LGI4: variants seen among roughly 807,000 people sequenced by gnomAD.
LGI4 encodes leucine rich repeat LGI family member 4.
LGI4 carries 36 observed loss-of-function variants against 48.3 expected under a neutral mutation model. The ratio of observed to expected loss-of-function variants is 0.75; its 90% CI spans 0.57 to 0.98. The LOEUF is 0.98. Among genes scored for constraint, LGI4 ranks in the 50% least tolerant of loss-of-function variants. The probability of loss-of-function intolerance (pLI) is 0.00; values close to 1 mark genes in which losing one functional copy is unlikely to be tolerated. For missense variants in LGI4, 701 were observed against 732.1 expected (o/e 0.96, Z 0.49); for synonymous variants, 355 against 331.6 (o/e 1.07, Z -0.77).
At chr19:35,125,703 C>T in intron 8 of LGI4, 196 bp from the exon 9 acceptor site, 1 of 701,814 alleles carries the variant, frequency 1.4e-6, no homozygotes, top group Admixed American at 2.0e-5. Context: ...CACACAGAAG[C>T]ACTCAGCCAT....
Position 35,125,354 on chromosome 19 carries a change from T to G in LGI4, c.1453A>C (p.Lys485Gln). ...FSQVLRLEPD[K>Q]GLLEPLQELG... Reference sequence around the variant, plus strand: ...TCCTGCAGTGGCTCCAGGAGCCCCTTGTCAGGCTCAAGGCGGAGGACCTGG... The same window carrying G: ...TCCTGCAGTGGCTCCAGGAGCCCCTGGTCAGGCTCAAGGCGGAGGACCTGG... Residue 485 changes from lysine to glutamine, a missense_variant, in exon 9 of 9, where the codon AAG (lysine) becomes CAG (glutamine). Lys to Gln is a moderately conservative substitution (Grantham distance 53, BLOSUM62 1). Around this residue, in one of 3 missense-constraint regions of LGI4, gnomAD observed 223 missense variants for 263.3 expected, o/e 0.85. Transcript: ENST00000310123. 6.2e-7 allele frequency: 1 copy of G among 1,613,402 alleles called. No homozygotes were observed. Among genetic ancestry groups the G allele is most frequent in the South Asian group, 1.1e-5 (1 of 91,062 alleles).
intron 6 of LGI4, among the ~76,000 whole-genome samples, chr19:35,127,436 C>G (rs2065147990): frequency 6.6e-6 from 1 of 152,170 alleles, no homozygotes. Flanking sequence ...CTGCCTTGAC[C>G]TCCCAAAGTG....
At chr19:35,130,190 G>A (rs574582468) in intron 6 of LGI4, among the ~76,000 whole-genome samples, 14 of 152,202 alleles carry the variant, frequency 9.2e-5, no homozygotes, top group African/African-American at 3.4e-4. Context: ...GAGAACTCAG[G>A]GACCAGTGCC....
rs182484817 is a variant in LGI4 at position 35,127,958 on chromosome 19, G to A, written c.629-941C>T. 6.3e-3 allele frequency among the ~76,000 whole-genome samples: 956 copies of A among 152,242 alleles called. 7 individuals carry two copies. The highest frequency in any genetic ancestry group is 6.3e-3 in the Non-Finnish European group (431 of 68,014). On this transcript the variant is annotated intron_variant, in intron 6 of 8. Transcript: ENST00000310123. ...CCCGGGACCCCCATTCACCGCCCTC[G>A]CTGAAAGTTAGATGTGGCTGTTTTG...
At chr19:35,129,347 A>G (rs2065160367) in intron 6 of LGI4, among the ~76,000 whole-genome samples, 2 of 151,552 alleles carry the variant, frequency 1.3e-5, no homozygotes, top group Non-Finnish European at 1.5e-5. Context: ...TATTATATAT[A>G]CATGTTGTGG....
rs1299854351 is a variant in LGI4, at chr19:35,131,513, G to A, written c.501C>T (p.Leu167=). 6.4e-7 allele frequency: 1 copy of A among 1,551,336 alleles called. No individual in the cohort carries two copies. The highest frequency in any genetic ancestry group is 1.2e-5 in the South Asian group (1 of 84,046). The part of the protein sequence containing the change: ...GNPFQCDCRV[L]WLLQWMPTVN... ...CGGTGGGCATCCACTGCAGGAGCCA[G>A]AGGACGCGGCAGTCACACTGGAACG... Residue 167 remains leucine (L), a synonymous_variant, in exon 6 of 9, where the codon CTC becomes CTT. Coordinates refer to ENST00000310123, the MANE Select transcript of LGI4 (RefSeq NM_139284.3).
Position 35,134,620 on chromosome 19 carries a change from T to A in LGI4, c.61A>T (p.Arg21Ter), listed in dbSNP as rs140614229. 220 of 1,583,480 alleles carry A rather than the reference T, an allele frequency of 1.4e-4. No homozygotes were observed. Among genetic ancestry groups the A allele is most frequent in the Non-Finnish European group, 1.8e-4 (211 of 1,164,506 alleles). ...LAGAGVVVAW[R>*]PPKGKCPLRC... Reference sequence around the variant, plus strand: ...AGGGGACACTTTCCCTTTGGGGGTCTCCAGGCCACCACCACCCCCGCCCCA... The same window carrying A: ...AGGGGACACTTTCCCTTTGGGGGTCACCAGGCCACCACCACCCCCGCCCCA... The change falls in exon 1 of 9, where the codon AGA becomes TGA. Residue 21 changes from arginine (R) to a stop codon, truncating the protein, a stop_gained. Coordinates refer to ENST00000310123, the MANE Select transcript of LGI4 (RefSeq NM_139284.3). LOFTEE classifies it high-confidence loss of function.
In LGI4 at chr19:35,126,602, G is replaced by A. The variant is rs1250415474; in HGVS notation, c.967C>T (p.Leu323=). Residue 323 remains leucine (L), a synonymous_variant, in exon 8 of 9, where the codon CTG becomes TTG. Transcript: ENST00000310123. ...RLLRPNDAEL[L]WLEGQPCFVV... is the part of the protein sequence containing the mutation. ...AAGCAGGGTTGCCCTTCCAGCCACA[G>A]GAGCTCGGCGTCATTGGGCCGCAGC... 9 of 1,541,918 alleles carry A rather than the reference G, an allele frequency of 5.8e-6. No homozygotes were observed. The highest frequency in any genetic ancestry group is 7.8e-6 in the Non-Finnish European group (9 of 1,149,780).
At chr19:35,128,019 T>C (rs1337295191) in intron 6 of LGI4, among the ~76,000 whole-genome samples, 4 of 152,188 alleles carry the variant, frequency 2.6e-5, no homozygotes, top group Non-Finnish European at 5.9e-5. Context: ...GCAGATGTGA[T>C]GAGTGTAATG....
intron 3 of LGI4, 76 bp from the exon 4 acceptor site, chr19:35,132,118 C>T: frequency 8.4e-7 from 1 of 1,195,506 alleles, no homozygotes; most frequent in Non-Finnish European, 1.2e-6. Context: ...CATAGGCCCA[C>T]TGGAAGGTGC....
In LGI4 at chr19:35,131,569, C is replaced by T; in HGVS notation, c.459-14G>A. ...CCGCGGAGGTCCCTGGGGCAAGAGG[C>T]CAGGGAGGGGCTGCGACCCGGCTTC... On this transcript the variant is annotated splice_polypyrimidine_tract_variant and intron_variant, in intron 5 of 8. Coordinates refer to ENST00000310123, the MANE Select transcript of LGI4 (RefSeq NM_139284.3). The T allele has an allele frequency of 6.5e-7, 1 of 1,547,444 alleles. No individual in the cohort carries two copies. The highest frequency in any genetic ancestry group is 8.7e-7 in the Non-Finnish European group (1 of 1,145,170).
rs933374477 is a variant in LGI4 at position 35,131,389 on chromosome 19, T to C, written c.625A>G (p.Ile209Val). ...CCCCATCGGGAAAGCCCCCCACCTATGGCTCTGCACTTGAAAGTCTTGGGG... is the reference window on the plus strand; with the variant it reads ...CCCCATCGGGAAAGCCCCCCACCTACGGCTCTGCACTTGAAAGTCTTGGGG... ...LDPKTFKCRA[I>V]ELSWFQTVGE... Residue 209 changes from isoleucine (I) to valine (V), a missense_variant, in exon 6 of 9, where the codon ATA becomes GTA. Ile to Val is a conservative substitution (Grantham distance 29). Coordinates refer to ENST00000310123, the MANE Select transcript of LGI4 (RefSeq NM_139284.3). The C allele has an allele frequency of 2.6e-6, 4 of 1,550,330 alleles. No individual in the cohort carries two copies. Among genetic ancestry groups the C allele is most frequent in the Non-Finnish European group, 3.5e-6 (4 of 1,146,306 alleles).
chr19:35,132,098 C>G (rs2065180008), intron 3 of LGI4, 56 bp from the exon 4 acceptor site: 3 of 1,404,040 alleles, frequency 2.1e-6, no homozygotes, highest in Non-Finnish European at 2.0e-6. Context: ...GGAACGCACC[C>G]CATGAAAGAC....
chr19:35,128,690 C>T (rs1254943720), intron 6 of LGI4, among the ~76,000 whole-genome samples: 8 of 152,052 alleles, frequency 5.3e-5, no homozygotes, highest in South Asian at 4.1e-4. Context: ...CCAGCCTGGG[C>T]GACAGAGTGA....
Position 35,134,525 on chromosome 19 carries a change from C to T in LGI4, c.156G>A (p.Pro52=), listed in dbSNP as rs369262546. The T allele has an allele frequency of 8.8e-5, 140 of 1,582,866 alleles. No homozygotes were observed. The Middle Eastern group carries it at 2.7e-3, about 30-fold the overall frequency. Residue 52 remains proline, a synonymous_variant, in exon 1 of 9, where the codon CCG becomes CCA. Transcript: ENST00000310123. ...GSPDLPVSFS[P]TLLSLSLVRT... ...TGGACACTCACAGTGACAGCAGGGT[C>T]GGAGAGAAGCTGACGGGCAGGTCCG...
Position 35,126,481 on chromosome 19 carries a change from C to A in LGI4, c.1088G>T (p.Arg363Leu). Residue 363 changes from arginine to leucine, a missense_variant, in exon 8 of 9, where the codon CGG (arginine) becomes CTG (leucine). This residue lies in a region of LGI4 where 223 missense variants were observed against 263.3 expected (regional missense o/e 0.85). Coordinates refer to ENST00000310123, the MANE Select transcript of LGI4 (RefSeq NM_139284.3). The part of the protein sequence containing the change: ...YPHQSLHAWH[R>L]DTDAEALELD... ...CTCCAGGGCCTCAGCGTCCGTGTCC[C>A]GGTGCCAGGCGTGCAGGCTCTGGTG... 2 of 1,563,900 alleles carry A rather than the reference C, an allele frequency of 1.3e-6. No individual in the cohort carries two copies. The highest frequency in any genetic ancestry group is 2.3e-5 in the East Asian group (1 of 42,896).
In LGI4 at chr19:35,132,667, C is replaced by G. The variant is rs117560456; in HGVS notation, c.315-625G>C. ...CCACCCACTCCCATCAACACCATCACCAATATCATCATTACCAAACTCCAC... is the reference window on the plus strand; with the variant it reads ...CCACCCACTCCCATCAACACCATCAGCAATATCATCATTACCAAACTCCAC... On this transcript the variant is annotated intron_variant, in intron 3 of 8. Transcript: ENST00000310123. 3.7e-4 allele frequency among the ~76,000 whole-genome samples: 56 copies of G among 152,254 alleles called. No individual in the cohort carries two copies. The East Asian group carries it at 9.8e-3, about 27-fold the overall frequency.
chr19:35,131,818 C>T lies in LGI4; in HGVS notation c.429G>A (p.Leu143=), dbSNP rs191436645. 16 of 1,572,948 alleles carry T rather than the reference C, an allele frequency of 1.0e-5. No homozygotes were observed. The highest frequency in any genetic ancestry group is 2.7e-5 in the African/African-American group (2 of 74,246). ...NNHLETLPRF[L]FRGLDTLTHV... ...GAGTAAGGGTGTCCAGGCCTCGGAA[C>T]AGGAATCTGGGGAGGGTCTCCAGAT... The change falls in exon 5 of 9, where the codon CTG becomes CTA. Residue 143 remains leucine, a synonymous_variant. Transcript: ENST00000310123.
chr19:35,134,086 T>C lies in LGI4; in HGVS notation c.189A>G (p.Gly63=). 1 of 1,565,970 alleles carries C rather than the reference T, an allele frequency of 6.4e-7. No homozygotes were observed. The highest frequency in any genetic ancestry group is 8.7e-7 in the Non-Finnish European group (1 of 1,154,732). Residue 63 remains glycine, a synonymous_variant, in exon 2 of 9, where the codon GGA becomes GGG. Coordinates refer to ENST00000310123, the MANE Select transcript of LGI4 (RefSeq NM_139284.3). Reference sequence around the variant, plus strand: ...AGCTGCCGGCCTTCAGCTGGGTGACTCCCGTCCTGACGAGTGAGCTGGGGA... The same window carrying C: ...AGCTGCCGGCCTTCAGCTGGGTGACCCCCGTCCTGACGAGTGAGCTGGGGA... ...TLLSLSLVRT[G]VTQLKAGSFL... is the part of the protein sequence containing the mutation.
Sources: gnomAD v4.1 joint callset for allele counts (sites outside exome capture counted in the v4.1 genomes callset) on GRCh38, gnomAD v4.1.1 for gene constraint, gnomAD v4.1.1 regional missense constraint, MANE v1.5 for transcripts, NCBI Gene and HGNC (gene_info 2026-07-23, HGNC 2026-07-21) for gene names.